Variants in TET3 observed in about 807,000 individuals in gnomAD.
TET3 encodes tet methylcytosine dioxygenase 3, also known as methylcytosine dioxygenase TET3.
Under a neutral mutation model 141.4 loss-of-function variants are expected in TET3, and 19 were observed. The observed-to-expected ratio is 0.13, with a 90% confidence interval of 0.09 to 0.20. The LOEUF is 0.20. TET3 is among the 10% of genes least tolerant of loss of function. The probability of loss-of-function intolerance (pLI) is 1.00; values close to 1 mark genes in which losing one functional copy is unlikely to be tolerated. For synonymous variants in TET3, 1,043 were observed against 980.9 expected (o/e 1.06, Z -1.18); for missense variants, 1,874 against 2,356.9 (o/e 0.80, Z 4.24).
At chr2:74,075,651 T>C (rs965237707) in intron 5 of TET3, among the ~76,000 whole-genome samples, 9 of 152,148 alleles carry the variant, frequency 5.9e-5, no homozygotes, top group African/African-American at 2.2e-4. Flanking sequence ...CTCTTGTCTG[T>C]GTAGCAGGAA....
chr2:73,990,949 C>A (rs1684291385), intron 2 of TET3, among the ~76,000 whole-genome samples: 1 of 152,048 alleles, frequency 6.6e-6, no homozygotes, highest in Admixed American at 6.5e-5. Flanking sequence ...ATTTGTCAAG[C>A]CTGAAAGAAG....
At position 74,095,848 on chromosome 2, in the gene TET3, GATTGC is replaced by G. The variant is rs1348371803; in HGVS notation, c.3267+2187_3267+2191del. ...TGCAGTGGCGCAGTAACCTGCTTGA[GATTGC>G]ATTGATGTTTACTTTTACAGGCTTG... On this transcript the variant is annotated intron_variant, in intron 10 of 11. Coordinates refer to ENST00000409262, the MANE Select transcript of TET3 (RefSeq NM_001287491.2). 5.9e-5 allele frequency among the ~76,000 whole-genome samples: 9 copies of G among 152,372 alleles called. No homozygotes were observed. The East Asian group carries it at 1.5e-3, about 26-fold the overall frequency.
intron 2 of TET3, chr2:74,002,623 C>T: frequency 2.8e-6 from 1 of 355,518 alleles, no homozygotes; most frequent in Non-Finnish European, 5.0e-6. Flanking sequence ...GGGGGCAGGG[C>T]CGGCCGCGGG....
chr2:74,092,874 G>T, intron 8 of TET3, 28 bp from the exon 9 acceptor site: 1 of 1,562,512 alleles, frequency 6.4e-7, no homozygotes, highest in Non-Finnish European at 8.7e-7. Flanking sequence ...GGGCTGCTCT[G>T]GATGTGTGAC....
At chr2:74,018,634 T>G (rs1342993309) in intron 3 of TET3, among the ~76,000 whole-genome samples, 2 of 152,200 alleles carry the variant, frequency 1.3e-5, no homozygotes, top group African/African-American at 4.8e-5. Flanking sequence ...GTCATGGGTG[T>G]TTTAAGGCCT....
the TET3 span, among the ~76,000 whole-genome samples, chr2:74,126,286 C>T: frequency 4.5e-3 from 679 of 152,232 alleles, 3 homozygotes; most frequent in Middle Eastern, 0.01. Flanking sequence ...TATATAAATA[C>T]AGTGCACATC....
chr2:74,041,386 CT>C (rs1430374397), intron 3 of TET3, among the ~76,000 whole-genome samples: 1 of 152,160 alleles, frequency 6.6e-6, no homozygotes, highest in Non-Finnish European at 1.5e-5. Flanking sequence ...GCCTTCCTCT[CT>C]GCCCAGAGGG....
intron 3 of TET3, among the ~76,000 whole-genome samples, chr2:74,044,422 A>G (rs1047421434): frequency 1.3e-5 from 2 of 152,204 alleles, no homozygotes; most frequent in East Asian, 1.9e-4. Flanking sequence ...ATCATTTGAG[A>G]TTAAATTGAG....
At position 74,106,193 on chromosome 2, in the gene TET3, TTGG is replaced by T. The variant is rs569275593; in HGVS notation, c.*4021_*4023del. 66 of 152,206 alleles carry T rather than the reference TTGG, an allele frequency of 4.3e-4. No individual in the cohort carries two copies. Among genetic ancestry groups the T allele is most frequent in the African/African-American group, 1.5e-3 (62 of 41,526 alleles). 9.4% of individuals were successfully genotyped at this position (152,206 alleles called of 1,614,324 possible). A position where few individuals can be genotyped will look rare whatever the true frequency, so the allele number is the denominator to read the frequency against. On this transcript the variant is annotated 3_prime_UTR_variant, in exon 12 of 12. Coordinates refer to ENST00000409262, the MANE Select transcript of TET3 (RefSeq NM_001287491.2). ...TGTGTTGTGTTGTATTGTTCTTCCC[TTGG>T]TGGCCAAACAAAGCAAGTCGAGAAG...
rs191348452 is a variant in TET3, at chr2:74,088,269, A to C, written c.2888+231A>C. ...TAGTTTGACTTCACCGTTAAACCCC[A>C]GGTCGATAACACTGGCACTAATGAT... On this transcript the variant is annotated intron_variant, in intron 7 of 11. Coordinates refer to ENST00000409262, the MANE Select transcript of TET3 (RefSeq NM_001287491.2). Among the ~76,000 whole-genome samples, 4 of 152,200 alleles carry C rather than the reference A, an allele frequency of 2.6e-5. No homozygotes were observed. The South Asian group carries it at 8.3e-4, about 31-fold the overall frequency.
chr2:74,058,290 T>C (rs1688318959), intron 4 of TET3, among the ~76,000 whole-genome samples: 1 of 152,072 alleles, frequency 6.6e-6, no homozygotes, highest in Non-Finnish European at 1.5e-5. Flanking sequence ...AGAGGGACAG[T>C]AGGGACCCCA....
intron 4 of TET3, among the ~76,000 whole-genome samples, chr2:74,054,075 A>G (rs1302187258): frequency 6.6e-6 from 1 of 152,174 alleles, no homozygotes; most frequent in Non-Finnish European, 1.5e-5. Flanking sequence ...ACATGTGGAA[A>G]GACACATGAA....
At chr2:74,067,837 TG>T (rs1239104765) in intron 4 of TET3, among the ~76,000 whole-genome samples, 2 of 152,246 alleles carry the variant, frequency 1.3e-5, no homozygotes, top group African/African-American at 4.8e-5. Context: ...CCTTAGTGGC[TG>T]GGACAGGTTG....
At chr2:74,071,739 T>C (rs551704639) in intron 4 of TET3, among the ~76,000 whole-genome samples, 1 of 152,350 alleles carries the variant, frequency 6.6e-6, no homozygotes, top group South Asian at 2.1e-4. Flanking sequence ...TGAAGCAAAC[T>C]TACCAACTGT....
the TET3 span, chr2:74,121,466 C>G: frequency 1.3e-5 from 2 of 152,188 alleles, no homozygotes; most frequent in African/African-American, 4.8e-5. Flanking sequence ...TAAAAACTTT[C>G]AAGTCAGAGT....
the TET3 span, among the ~76,000 whole-genome samples, chr2:74,124,137 C>T: frequency 4.5e-3 from 674 of 150,444 alleles, 5 homozygotes; most frequent in African/African-American, 0.015. Context: ...GGGCAGCCCC[C>T]GCCCCGCCAG....
rs1352689616 is a variant in TET3 at position 74,087,193 on chromosome 2, C to A, written c.2680-637C>A. Reference sequence around the variant, plus strand: ...AGTAATACTTGGTTGTCTGTCTATACCACGTCGTACTTACCTGTTCATCAA... The same window carrying A: ...AGTAATACTTGGTTGTCTGTCTATAACACGTCGTACTTACCTGTTCATCAA... On this transcript the variant is annotated intron_variant, in intron 6 of 11. Coordinates refer to ENST00000409262, the MANE Select transcript of TET3 (RefSeq NM_001287491.2). This position sits in a 1 kb window ranked among gnomAD's most constrained non-coding sequence, Gnocchi z 4.3. Among the ~76,000 whole-genome samples, 1 of 152,166 alleles carries A rather than the reference C, an allele frequency of 6.6e-6. No individual in the cohort carries two copies. The highest frequency in any genetic ancestry group is 2.4e-5 in the African/African-American group (1 of 41,434).
At chr2:74,121,169 T>A in the TET3 span, 1 of 152,276 alleles carries the variant, frequency 6.6e-6, no homozygotes, top group Middle Eastern at 3.4e-3. Flanking sequence ...ACCACCAAGC[T>A]GCGAAAACAT....
the TET3 span, among the ~76,000 whole-genome samples, chr2:74,117,799 G>A: frequency 0.22 from 33,279 of 151,950 alleles, 4,141 homozygotes; most frequent in East Asian, 0.49. Flanking sequence ...AGGCTGGAAC[G>A]CAATGACACA....
Sources: allele counts gnomAD v4.1 joint callset (sites outside exome capture counted in the v4.1 genomes callset), GRCh38; gene constraint gnomAD v4.1.1; non-coding constraint Gnocchi (gnomAD v3.1); transcripts MANE v1.5; gene names NCBI Gene and HGNC (gene_info 2026-07-23, HGNC 2026-07-21).